The following CDC14A variants were observed in gnomAD, a reference collection of about 807,000 sequenced individuals.
CDC14A encodes the protein dual specificity protein phosphatase CDC14A.
A neutral mutation model predicts 74.4 loss-of-function variants in CDC14A; 53 were observed. That is an observed-to-expected ratio of 0.71 (90% confidence interval 0.57 to 0.89). CDC14A has a LOEUF of 0.89. Ranked by LOEUF, CDC14A falls within the 40% of genes least tolerant of loss-of-function variation. The pLI is 0.00. For synonymous variants in CDC14A, 247 were observed against 258.4 expected (o/e 0.96, Z 0.43); for missense variants, 646 against 713.7 (o/e 0.91, Z 1.08).
chr1:100,443,227 A>G, intron 7 of CDC14A: 1 of 364,072 alleles, frequency 2.7e-6, no homozygotes, highest in Non-Finnish European at 4.9e-6. Context: ...ATTTATATAC[A>G]ATCACTTTGC....
intron 3 of CDC14A, among the ~76,000 whole-genome samples, chr1:100,386,037 C>T (rs1185640338): frequency 6.6e-6 from 1 of 151,882 alleles, no homozygotes; most frequent in Non-Finnish European, 1.5e-5. Context: ...CGTGGTGTCA[C>T]CTGCCTGTAG....
At chr1:100,424,056 G>A (rs1419579477) in intron 4 of CDC14A, 166 bp from the exon 5 acceptor site, 2 of 588,390 alleles carry the variant, frequency 3.4e-6, no homozygotes, top group Non-Finnish European at 6.2e-6. Context: ...CTGCTGCGCA[G>A]CTTCATGCTG....
rs1243391838 is a variant in CDC14A, at chr1:100,352,526, G to T, written c.-429G>T. ...TCCGGAGCAGCTGCTGCCAGCCCGC[G>T]GGCACTGAAGTCCTCCCGGCTGCCG... On this transcript the variant is annotated 5_prime_UTR_variant, in exon 1 of 16. Transcript: ENST00000336454. 1.6e-5 allele frequency: 16 copies of T among 1,028,330 alleles called. No homozygotes were observed. The highest frequency in any genetic ancestry group is 1.9e-5 in the Non-Finnish European group (16 of 858,294). 63.7% of individuals were successfully genotyped at this position (1,028,330 alleles called of 1,614,324 possible).
intron 11 of CDC14A, chr1:100,484,895 T>A (rs1669871939): frequency 1.0e-6 from 1 of 978,832 alleles, no homozygotes; most frequent in South Asian, 4.7e-5. Context: ...ATTAAGGCTC[T>A]ACTGTAAACA....
At chr1:100,462,930 G>A in intron 9 of CDC14A, 49 bp downstream of exon 9, 3 of 1,407,406 alleles carry the variant, frequency 2.1e-6, no homozygotes, top group Non-Finnish European at 3.0e-6. Context: ...GAAGGGGCGG[G>A]CCAAGGAAGA....
intron 4 of CDC14A, among the ~76,000 whole-genome samples, chr1:100,412,725 T>TTATATA (rs1453619061): frequency 6.0e-5 from 5 of 82,920 alleles, no homozygotes; most frequent in African/African-American, 4.5e-4. Context: ...TATATATATT[T>TTATATA]TATATATATA....
intron 2 of CDC14A, among the ~76,000 whole-genome samples, chr1:100,374,188 C>A (rs1285296560): frequency 1.3e-5 from 2 of 152,156 alleles, no homozygotes; most frequent in East Asian, 3.8e-4. Context: ...GCCACATTTT[C>A]TTAATCCAGT....
chr1:100,489,652 A>G (rs1469075500), intron 11 of CDC14A, among the ~76,000 whole-genome samples: 1 of 151,264 alleles, frequency 6.6e-6, no homozygotes, highest in African/African-American at 2.4e-5. Context: ...CTAAAATATC[A>G]TTTTCTTGCC....
At chr1:100,426,545 A>G (rs1447466729) in intron 5 of CDC14A, among the ~76,000 whole-genome samples, 1 of 152,188 alleles carries the variant, frequency 6.6e-6, no homozygotes, top group African/African-American at 2.4e-5. Flanking sequence ...AATATTTTTC[A>G]CTCAAATACT....
At chr1:100,467,257 C>G (rs924072322) in intron 9 of CDC14A, among the ~76,000 whole-genome samples, 3 of 152,162 alleles carry the variant, frequency 2.0e-5, no homozygotes, top group African/African-American at 7.2e-5. Flanking sequence ...ATGCTGTGTG[C>G]TCCCAATTAC....
At chr1:100,424,539 A>T (rs1662728392) in intron 5 of CDC14A, among the ~76,000 whole-genome samples, 2 of 152,162 alleles carry the variant, frequency 1.3e-5, no homozygotes, top group Admixed American at 1.3e-4. Context: ...CTATATCTTT[A>T]CAGTTTATGT....
At position 100,503,930 on chromosome 1, in the gene CDC14A, C is replaced by A. The variant is rs575259122; in HGVS notation, c.1755+4668C>A. ...AGTCATCTACATTGACCTTACCTGACCCCCAACTCTGAGTTAGTTCATGTT... is the reference window on the plus strand; with the variant it reads ...AGTCATCTACATTGACCTTACCTGAACCCCAACTCTGAGTTAGTTCATGTT... On this transcript the variant is annotated intron_variant, in intron 15 of 15. Transcript: ENST00000336454. Among the ~76,000 whole-genome samples, 60 of 152,318 alleles carry A rather than the reference C, an allele frequency of 3.9e-4. No individual in the cohort carries two copies. The South Asian group carries it at 0.011, about 29-fold the overall frequency.
chr1:100,517,515 A>G (rs946938883), intron 15 of CDC14A, among the ~76,000 whole-genome samples: 1 of 152,206 alleles, frequency 6.6e-6, no homozygotes, highest in African/African-American at 2.4e-5. Context: ...AACTTTCTGT[A>G]ACTCTCTATC....
intron 4 of CDC14A, among the ~76,000 whole-genome samples, chr1:100,419,852 CT>C (rs1662042463): frequency 6.6e-6 from 1 of 151,654 alleles, no homozygotes; most frequent in African/African-American, 2.4e-5. Context: ...CATTTGTTTC[CT>C]CTTTTTCACA....
chr1:100,466,013 A>T (rs1221263617), intron 9 of CDC14A, among the ~76,000 whole-genome samples: 2 of 152,206 alleles, frequency 1.3e-5, no homozygotes, highest in Non-Finnish European at 2.9e-5. Context: ...AGTTGTGGTA[A>T]GAGCTCCTAA....
chr1:100,491,546 C>CTA lies in CDC14A; in HGVS notation c.1138-3271_1138-3270insAT, dbSNP rs1300450625. On this transcript the variant is annotated intron_variant, in intron 11 of 15. Coordinates refer to ENST00000336454, the MANE Select transcript of CDC14A (RefSeq NM_003672.4). ...TCTCTCTCTCTCTCTCTCTCTCTCT[C>CTA]TCTATATATATATATATATATATAT... 3.9e-3 allele frequency among the ~76,000 whole-genome samples: 155 copies of CTA among 39,904 alleles called. 2 individuals are homozygous for CTA. Among genetic ancestry groups the CTA allele is most frequent in the Admixed American group, 8.9e-3 (29 of 3,268 alleles). The allele number at this position is 39,904 out of a possible 152,430, so 26.2% of individuals were successfully genotyped here. A position where few individuals can be genotyped will look rare whatever the true frequency, so the allele number is the denominator to read the frequency against.
intron 1 of CDC14A, 34 bp downstream of exon 1, chr1:100,353,037 T>G (rs749741578): frequency 1.2e-6 from 2 of 1,610,844 alleles, no homozygotes; most frequent in South Asian, 2.2e-5. Flanking sequence ...TTCCAACGCT[T>G]TCTTGCCCCC....
At chr1:100,445,235 C>A (rs1298866776) in intron 7 of CDC14A, among the ~76,000 whole-genome samples, 1 of 152,196 alleles carries the variant, frequency 6.6e-6, no homozygotes, top group African/African-American at 2.4e-5. Context: ...CTAGCCCACA[C>A]ATCTAGGTGT....
intron 7 of CDC14A, among the ~76,000 whole-genome samples, chr1:100,454,243 T>G (rs1666444356): frequency 6.6e-6 from 1 of 152,002 alleles, no homozygotes. Flanking sequence ...TTGAGGTCCT[T>G]GCCATATAAT....
Sources: allele counts gnomAD v4.1 joint callset (sites outside exome capture counted in the v4.1 genomes callset), GRCh38; gene constraint gnomAD v4.1.1; transcripts MANE v1.5; gene names NCBI Gene and HGNC (gene_info 2026-07-23, HGNC 2026-07-21).